Variants in ZNF385D observed in about 807,000 individuals in gnomAD.
ZNF385D encodes the protein zinc finger protein 385D, also known as zinc finger protein 659.
In ZNF385D, 15 loss-of-function variants were observed where a neutral mutation model predicts 35.8. The observed-to-expected ratio is 0.42, with a 90% CI of 0.28 to 0.64. The LOEUF (loss-of-function observed/expected upper bound fraction) is 0.64. ZNF385D is among the 30% of genes least tolerant of loss of function. The pLI is 0.23. For missense variants in ZNF385D, 474 were observed against 494.6 expected, an observed-to-expected ratio of 0.96 and a Z score of 0.39; for synonymous variants, 212 against 186.8, an observed-to-expected ratio of 1.13 and a Z score of -1.10.
intron 2 of ZNF385D, among the ~76,000 whole-genome samples, chr3:21,660,995 G>A (rs557779199): frequency 1.3e-5 from 2 of 152,256 alleles, no homozygotes; most frequent in South Asian, 4.1e-4. Flanking sequence ...TGCCAACAGT[G>A]CCCAGGTATA....
Position 22,372,607 on chromosome 3 carries a change from C to T in ZNF385D, c.-52G>A, listed in dbSNP as rs1171740841. 6 of 818,208 alleles carry T rather than the reference C, an allele frequency of 7.3e-6. No individual in the cohort carries two copies. The South Asian group carries it at 2.8e-4, about 38-fold the overall frequency. 50.7% of individuals were successfully genotyped at this position (818,208 alleles called of 1,614,324 possible). ...CTGTCCCGGGAGACGCACGGCTGCC[C>T]GCCTGCAGCTTCAACGGCGGTGGTC... is the stretch of plus-strand genomic sequence containing the variant. On this transcript the variant is annotated 5_prime_UTR_variant, in exon 2 of 6. Coordinates refer to the ZNF385D transcript ENST00000494108.
intron 3 of ZNF385D, among the ~76,000 whole-genome samples, chr3:21,928,840 A>T (rs1326296853): frequency 6.6e-6 from 1 of 152,200 alleles, no homozygotes; most frequent in Non-Finnish European, 1.5e-5. Flanking sequence ...TTACTAATTA[A>T]AATTATTCAC....
At chr3:21,992,836 A>C (rs1378732045) in intron 3 of ZNF385D, among the ~76,000 whole-genome samples, 1 of 152,164 alleles carries the variant, frequency 6.6e-6, no homozygotes, top group African/African-American at 2.4e-5. Flanking sequence ...AATTATTTGC[A>C]ATAAAAATCT....
intron 3 of ZNF385D, among the ~76,000 whole-genome samples, chr3:21,940,440 G>A (rs1701461854): frequency 6.6e-6 from 1 of 152,136 alleles, no homozygotes; most frequent in South Asian, 2.1e-4. Flanking sequence ...CATATGTAAA[G>A]CACTATTTTT....
intron 3 of ZNF385D, among the ~76,000 whole-genome samples, chr3:22,126,537 G>A (rs1483420454): frequency 1.3e-5 from 2 of 151,804 alleles, no homozygotes; most frequent in African/African-American, 2.4e-5. Flanking sequence ...CATTGTGGTC[G>A]AGAAGATATT....
At chr3:21,888,533 C>T (rs776325620) in intron 3 of ZNF385D, among the ~76,000 whole-genome samples, 2 of 151,864 alleles carry the variant, frequency 1.3e-5, no homozygotes, top group African/African-American at 2.4e-5. Context: ...AAGGAACAAC[C>T]GAGAGTTTAT....
chr3:21,888,990 G>A (rs1698697687), intron 3 of ZNF385D, among the ~76,000 whole-genome samples: 1 of 152,212 alleles, frequency 6.6e-6, no homozygotes, highest in Admixed American at 6.5e-5. Context: ...AGATACTCAG[G>A]AAACTATAGA....
intron 2 of ZNF385D, among the ~76,000 whole-genome samples, chr3:22,190,411 T>C (rs1695936599): frequency 6.6e-6 from 1 of 152,208 alleles, no homozygotes; most frequent in African/African-American, 2.4e-5. Flanking sequence ...CATGTATTAG[T>C]AACCTTAATT....
chr3:22,283,454 T>A (rs770814088), intron 2 of ZNF385D, among the ~76,000 whole-genome samples: 2 of 152,166 alleles, frequency 1.3e-5, no homozygotes, highest in Admixed American at 6.6e-5. Context: ...AAGTCAGATA[T>A]GTAAGCAGAT....
At chr3:22,337,902 G>C (rs1410889270) in intron 2 of ZNF385D, among the ~76,000 whole-genome samples, 1 of 152,208 alleles carries the variant, frequency 6.6e-6, no homozygotes, top group Non-Finnish European at 1.5e-5. Context: ...ATAGTAAAGA[G>C]AGTGGTGGAC....
At position 21,627,258 on chromosome 3, in the gene ZNF385D, TG is replaced by T. The variant is rs1156914506; in HGVS notation, c.165+37627del. 4.0e-3 allele frequency among the ~76,000 whole-genome samples: 578 copies of T among 145,938 alleles called. 3 individuals are homozygous for T. Among genetic ancestry groups the T allele is most frequent in the Non-Finnish European group, 7.0e-3 (465 of 66,340 alleles). The stretch of plus-strand genomic sequence containing the variant: ...CAAAGAGGTGTAGGGTGTGTGTGTG[TG>T]TGTGTGTGTGTGTGTGTGTGTGTGT... On this transcript the variant is annotated intron_variant, in intron 2 of 7. Transcript: ENST00000281523.
At chr3:21,872,967 A>T (rs977861116) in intron 3 of ZNF385D, among the ~76,000 whole-genome samples, 3 of 152,156 alleles carry the variant, frequency 2.0e-5, no homozygotes, top group African/African-American at 7.2e-5. Context: ...CACAACTGTT[A>T]CCACTATTTC....
chr3:22,068,301 T>C (rs1700061995), intron 3 of ZNF385D, among the ~76,000 whole-genome samples: 4 of 152,188 alleles, frequency 2.6e-5, no homozygotes, highest in Admixed American at 2.6e-4. Flanking sequence ...AACGAATTGA[T>C]ACTTTGCATC....
intron 3 of ZNF385D, among the ~76,000 whole-genome samples, chr3:21,560,909 G>A (rs899410366): frequency 3.9e-5 from 6 of 152,056 alleles, no homozygotes; most frequent in East Asian, 1.9e-4. Context: ...AGTGGGCTCC[G>A]CTCAGTTCGA....
intron 3 of ZNF385D, among the ~76,000 whole-genome samples, chr3:22,117,034 A>G (rs188917984): frequency 6.3e-4 from 96 of 151,908 alleles, no homozygotes; most frequent in Non-Finnish European, 4.7e-4. Flanking sequence ...CCAGGATGGT[A>G]TATCTGTTAG....
intron 1 of ZNF385D, among the ~76,000 whole-genome samples, chr3:21,726,255 T>C (rs890386561): frequency 1.3e-5 from 2 of 152,178 alleles, no homozygotes; most frequent in African/African-American, 4.8e-5. Context: ...GCATTCCCTT[T>C]GAAAACCGGC....
At chr3:21,798,368 G>C (rs1165304102) in intron 3 of ZNF385D, among the ~76,000 whole-genome samples, 1 of 152,160 alleles carries the variant, frequency 6.6e-6, no homozygotes, top group East Asian at 1.9e-4. Flanking sequence ...TTCAAATCCA[G>C]AGGTCTGTAC....
At chr3:21,576,571 C>CA (rs1471478158) in intron 2 of ZNF385D, among the ~76,000 whole-genome samples, 1 of 152,194 alleles carries the variant, frequency 6.6e-6, no homozygotes, top group Non-Finnish European at 1.5e-5. Context: ...GTTACCAACG[C>CA]AATTTGTCAG....
At chr3:21,467,088 C>T (rs1575199286) in intron 4 of ZNF385D, among the ~76,000 whole-genome samples, 1 of 152,282 alleles carries the variant, frequency 6.6e-6, no homozygotes, top group East Asian at 1.9e-4. Flanking sequence ...TAGTTTATTT[C>T]ATTAATGCCC....
Sources: gnomAD v4.1 joint callset for allele counts (sites outside exome capture counted in the v4.1 genomes callset) on GRCh38, gnomAD v4.1.1 for gene constraint, MANE v1.5 for transcripts, NCBI Gene and HGNC (gene_info 2026-07-23, HGNC 2026-07-21) for gene names.